Variants in RPS6KC1 observed in about 807,000 individuals in gnomAD.
RPS6KC1 encodes the protein ribosomal protein S6 kinase C1, also known as inactive ribosomal protein S6 kinase delta-1.
In RPS6KC1, 54 loss-of-function variants were observed where a neutral mutation model predicts 103.8. The ratio of observed to expected loss-of-function variants is 0.52; its 90% CI spans 0.42 to 0.65. The LOEUF (loss-of-function observed/expected upper bound fraction) is 0.65. Among genes scored for constraint, RPS6KC1 ranks in the 30% least tolerant of loss-of-function variants. The probability of loss-of-function intolerance (pLI) is 0.00; values close to 1 mark genes in which losing one functional copy is unlikely to be tolerated. For missense variants in RPS6KC1, 1,151 were observed against 1,253.8 expected (o/e 0.92, Z 1.24); for synonymous variants, 439 against 438.7 (o/e 1.00, Z -0.01).
the RPS6KC1 span, among the ~76,000 whole-genome samples, chr1:213,447,060 A>G: frequency 6.6e-6 from 1 of 151,876 alleles, no homozygotes. Context: ...CCCAATACAC[A>G]TATGATGCCA....
chr1:213,747,218 G>A, the RPS6KC1 span, among the ~76,000 whole-genome samples: 8 of 152,210 alleles, frequency 5.3e-5, no homozygotes, highest in East Asian at 1.5e-3. Flanking sequence ...TAGAGTCCTT[G>A]GAGCCAGGTA....
the RPS6KC1 span, among the ~76,000 whole-genome samples, chr1:213,776,796 T>G: frequency 6.6e-6 from 1 of 152,242 alleles, no homozygotes; most frequent in Non-Finnish European, 1.5e-5. Flanking sequence ...GAAGGCTGTT[T>G]CATACATATT....
intron 8 of RPS6KC1, among the ~76,000 whole-genome samples, chr1:213,193,527 G>A (rs941061662): frequency 1.3e-5 from 2 of 152,204 alleles, no homozygotes; most frequent in Non-Finnish European, 2.9e-5. Flanking sequence ...CACCCAAAGT[G>A]CTGGGCTTAC....
chr1:213,617,731 G>T, the RPS6KC1 span, among the ~76,000 whole-genome samples: 14 of 152,196 alleles, frequency 9.2e-5, no homozygotes, highest in Non-Finnish European at 1.9e-4. Context: ...ACTTCTGAGG[G>T]ACCTGTTGAG....
the RPS6KC1 span, among the ~76,000 whole-genome samples, chr1:213,328,116 A>G: frequency 2.0e-5 from 3 of 152,218 alleles, no homozygotes; most frequent in Admixed American, 6.5e-5. Context: ...AGAGCGGGGC[A>G]GGATTGCCTG....
chr1:213,277,009 C>A (rs993904739), downstream of RPS6KC1, among the ~76,000 whole-genome samples: 1 of 152,092 alleles, frequency 6.6e-6, no homozygotes, highest in African/African-American at 2.4e-5. Flanking sequence ...ACTTTCTGTT[C>A]CTATTTAGTG....
the RPS6KC1 span, among the ~76,000 whole-genome samples, chr1:213,454,167 A>C: frequency 6.6e-6 from 1 of 151,864 alleles, no homozygotes; most frequent in Admixed American, 6.6e-5. Context: ...CAGCATTCCT[A>C]ATTTCTGTGT....
chr1:213,590,776 GGT>G, the RPS6KC1 span, among the ~76,000 whole-genome samples: 1 of 152,120 alleles, frequency 6.6e-6, no homozygotes, highest in Non-Finnish European at 1.5e-5. Flanking sequence ...GCCGGGTGGT[GGT>G]GGCGGCGAGT....
chr1:213,082,506 C>T (rs1249663040), intron 3 of RPS6KC1, among the ~76,000 whole-genome samples: 1 of 152,074 alleles, frequency 6.6e-6, no homozygotes, highest in Non-Finnish European at 1.5e-5. Flanking sequence ...AGTGAGGTTT[C>T]CCAAAGAAGT....
intron 6 of RPS6KC1, among the ~76,000 whole-genome samples, chr1:213,151,910 G>A (rs1475531634): frequency 8.2e-5 from 10 of 121,710 alleles, no homozygotes; most frequent in South Asian, 2.7e-4. Flanking sequence ...AAGACGGGGC[G>A]GCTGGCCGGG....
At chr1:213,745,618 A>G in the RPS6KC1 span, among the ~76,000 whole-genome samples, 270 of 152,152 alleles carry the variant, frequency 1.8e-3, 2 homozygotes, top group Middle Eastern at 0.017. Context: ...TCTGTCCCCC[A>G]GGGAAGGAGG....
Position 213,193,812 on chromosome 1 carries a change from G to T in RPS6KC1, c.1044+17320G>T, listed in dbSNP as rs532189749. ...CCTAGCTAGCTTTGCATTTTTTGTA[G>T]ATATGGGGTTTTGCCATGTTGCCCA... On this transcript the variant is annotated intron_variant, in intron 8 of 14. Coordinates refer to ENST00000366960, the MANE Select transcript of RPS6KC1 (RefSeq NM_012424.6). Among the ~76,000 whole-genome samples the T allele has an allele frequency of 2.0e-5, 3 of 152,008 alleles. No individual in the cohort carries two copies. In the East Asian group the frequency reaches 5.8e-4, roughly 30 times the overall value.
At chr1:213,257,786 C>CTTTTTTTTTTTTTTTTTTTTTT (rs71147062) in intron 12 of RPS6KC1, among the ~76,000 whole-genome samples, 1 of 49,408 alleles carries the variant, frequency 2.0e-5, no homozygotes, top group Non-Finnish European at 3.5e-5. Context: ...ACAGGTAAAA[C>CTTTTTTTTTTTTTTTTTTTTTT]TTTTTTTTTT....
chr1:213,589,070 T>C, the RPS6KC1 span, among the ~76,000 whole-genome samples: 8 of 152,104 alleles, frequency 5.3e-5, no homozygotes, highest in African/African-American at 1.7e-4. Context: ...GGCTTAGTGC[T>C]CTGGACCCCC....
chr1:213,214,786 CA>C (rs2093614964), intron 8 of RPS6KC1, among the ~76,000 whole-genome samples: 1 of 152,134 alleles, frequency 6.6e-6, no homozygotes, highest in African/African-American at 2.4e-5. Flanking sequence ...GGACCTCCGG[CA>C]AACTCCAAAC....
chr1:213,212,761 C>T (rs1005348368), intron 8 of RPS6KC1, among the ~76,000 whole-genome samples: 27 of 152,100 alleles, frequency 1.8e-4, no homozygotes, highest in African/African-American at 5.1e-4. Flanking sequence ...TGTCAGTGTT[C>T]GGGATTTTGG....
the RPS6KC1 span, among the ~76,000 whole-genome samples, chr1:213,567,328 G>A: frequency 6.6e-6 from 1 of 152,072 alleles, no homozygotes; most frequent in African/African-American, 2.4e-5. Context: ...GCTTTATACT[G>A]GGGGGAAATG....
intron 2 of RPS6KC1, among the ~76,000 whole-genome samples, chr1:213,073,914 G>C (rs1184827819): frequency 6.6e-6 from 1 of 152,020 alleles, no homozygotes; most frequent in Admixed American, 6.6e-5. Context: ...GACCTCAGGC[G>C]ATCTGCTCAT....
the RPS6KC1 span, among the ~76,000 whole-genome samples, chr1:213,755,695 T>C: frequency 3.3e-5 from 5 of 152,334 alleles, no homozygotes; most frequent in African/African-American, 1.2e-4. Context: ...CCACCCTGAG[T>C]GTGGCTGCTC....
Sources: gnomAD v4.1 joint callset for allele counts (sites outside exome capture counted in the v4.1 genomes callset) on GRCh38, gnomAD v4.1.1 for gene constraint, MANE v1.5 for transcripts, NCBI Gene and HGNC (gene_info 2026-07-23, HGNC 2026-07-21) for gene names.